The following COLEC12 variants were observed in gnomAD, a reference collection of about 807,000 sequenced individuals.
The protein encoded by COLEC12 is collectin subfamily member 12, also known as collectin-12.
Under a neutral mutation model 71.1 loss-of-function variants are expected in COLEC12, and 33 were observed. The ratio of observed to expected loss-of-function variants is 0.46; its 90% CI spans 0.35 to 0.62. The LOEUF (loss-of-function observed/expected upper bound fraction) is 0.62, where lower values mean the gene tolerates loss of function less well. COLEC12 is among the 20% of genes least tolerant of loss of function. COLEC12 has a pLI of 0.00. For synonymous variants in COLEC12, 350 were observed against 353.0 expected, an observed-to-expected ratio of 0.99 and a Z score of 0.10; for missense variants, 765 against 916.1, an observed-to-expected ratio of 0.84 and a Z score of 2.13.
intron 2 of COLEC12, among the ~76,000 whole-genome samples, chr18:402,551 G>C (rs960061375): frequency 2.6e-5 from 4 of 152,122 alleles, no homozygotes; most frequent in African/African-American, 7.2e-5. Flanking sequence ...CAGAGTGTGG[G>C]GAGGTGGGGA....
At chr18:407,713 C>T (rs1377000982) in intron 2 of COLEC12, among the ~76,000 whole-genome samples, 1 of 152,196 alleles carries the variant, frequency 6.6e-6, no homozygotes, top group East Asian at 1.9e-4. Context: ...AGACACACAA[C>T]AATGTGTGAC....
In COLEC12 at chr18:319,352, A is replaced by ATATATATATATGTATGTATGTATATATG. The variant is rs1913640154; in HGVS notation, c.*692_*693insCATATATACATACATACATATATATATA. 7.3e-6 allele frequency: 1 copy of ATATATATATATGTATGTATGTATATATG among 136,198 alleles called. No individual in the cohort carries two copies. Among genetic ancestry groups the ATATATATATATGTATGTATGTATATATG allele is most frequent in the Non-Finnish European group, 1.6e-5 (1 of 62,456 alleles). 8.4% of individuals were successfully genotyped at this position (136,198 alleles called of 1,614,324 possible). A position where few individuals can be genotyped will look rare whatever the true frequency, so the allele number is the denominator to read the frequency against. ...AAAAAAAAAAAAAAAATATATATATATATATATATATACACATGTATATTT... is the reference window on the plus strand; with the variant it reads ...AAAAAAAAAAAAAAAATATATATATATATATATATATGTATGTATGTATATATGTATATATATATACACATGTATATTT... On this transcript the variant is annotated 3_prime_UTR_variant, in exon 10 of 10. Transcript: ENST00000400256.
intron 2 of COLEC12, among the ~76,000 whole-genome samples, chr18:403,295 T>C (rs1405201119): frequency 6.6e-6 from 1 of 152,172 alleles, no homozygotes; most frequent in Non-Finnish European, 1.5e-5. Flanking sequence ...CCTTTTGTTG[T>C]CTTCAAAGTC....
chr18:321,203 C>A (rs1435934169), intron 9 of COLEC12, among the ~76,000 whole-genome samples: 1 of 152,076 alleles, frequency 6.6e-6, no homozygotes, highest in East Asian at 1.9e-4. Context: ...TACAGGCATG[C>A]GCCACCATGC....
At chr18:436,523 AAAGGG>A in intron 2 of COLEC12, among the ~76,000 whole-genome samples, 1 of 32,374 alleles carries the variant, frequency 3.1e-5, no homozygotes. Context: ...CTCAAAAAAA[AAAGGG>A]GGGGGGGGGG....
At chr18:448,196 C>A (rs1916690226) in intron 2 of COLEC12, among the ~76,000 whole-genome samples, 1 of 152,142 alleles carries the variant, frequency 6.6e-6, no homozygotes, top group South Asian at 2.1e-4. Context: ...TCTTTTTTAA[C>A]CACTTTGTCA....
intron 2 of COLEC12, among the ~76,000 whole-genome samples, chr18:410,672 G>A (rs568297375): frequency 8.6e-5 from 13 of 152,040 alleles, no homozygotes; most frequent in African/African-American, 3.1e-4. Flanking sequence ...TGATCTGCCC[G>A]CCTTGGCCTC....
chr18:335,178 AG>A lies in COLEC12; in HGVS notation c.1379del (p.Pro460LeufsTer186). 1 of 1,611,460 alleles carries A rather than the reference AG, an allele frequency of 6.2e-7. No individual in the cohort carries two copies. Among genetic ancestry groups the A allele is most frequent in the Non-Finnish European group, 8.5e-7 (1 of 1,179,086 alleles). ...PRGDRGSQGPPGPTGNKGQKG... is the reference protein window; with the variant it reads ...PRGDRGSQGPXGPTGNKGQKG... Reference sequence around the variant, plus strand: ...TCTGTCCCTTGTTGCCAGTTGGGCCAGGGGGTCCCTGGGATCCTCTGTCACC... The same window carrying A: ...TCTGTCCCTTGTTGCCAGTTGGGCCAGGGGTCCCTGGGATCCTCTGTCACC... On this transcript the variant is annotated frameshift_variant, in exon 6 of 10. Coordinates refer to ENST00000400256, the MANE Select transcript of COLEC12 (RefSeq NM_130386.3). LOFTEE classifies it high-confidence loss of function.
At chr18:404,019 T>A (rs559075624) in intron 2 of COLEC12, among the ~76,000 whole-genome samples, 12 of 152,288 alleles carry the variant, frequency 7.9e-5, no homozygotes, top group African/African-American at 2.9e-4. Context: ...TTCTTTAAGG[T>A]AAAATGAAGA....
intron 2 of COLEC12, among the ~76,000 whole-genome samples, chr18:365,056 T>C (rs1026874950): frequency 1.3e-5 from 2 of 152,076 alleles, no homozygotes; most frequent in Admixed American, 6.6e-5. Flanking sequence ...ACGGACCAGT[T>C]AGACATACCA....
intron 2 of COLEC12, among the ~76,000 whole-genome samples, chr18:384,434 T>C (rs887284655): frequency 1.3e-5 from 2 of 151,898 alleles, no homozygotes; most frequent in Non-Finnish European, 2.9e-5. Flanking sequence ...CTCAGGGAGG[T>C]GTGGTTGTTA....
At chr18:366,857 G>A (rs1056497766) in intron 2 of COLEC12, among the ~76,000 whole-genome samples, 1 of 152,200 alleles carries the variant, frequency 6.6e-6, no homozygotes, top group African/African-American at 2.4e-5. Context: ...CTGGGAGAGG[G>A]GCACAGCTCA....
chr18:322,156 A>G (rs1256731690), intron 8 of COLEC12, among the ~76,000 whole-genome samples: 1 of 149,190 alleles, frequency 6.7e-6, no homozygotes, highest in Non-Finnish European at 1.5e-5. Context: ...ATGAGTGTAT[A>G]TATGTGTGTG....
chr18:396,263 G>C (rs7241448), intron 2 of COLEC12, among the ~76,000 whole-genome samples: 13,100 of 152,236 alleles, frequency 0.086, 858 homozygotes, highest in African/African-American at 0.18. Context: ...AACAGCATTT[G>C]TGCAACAACT....
At chr18:478,604 C>T (rs886795050) in intron 2 of COLEC12, among the ~76,000 whole-genome samples, 1 of 152,168 alleles carries the variant, frequency 6.6e-6, no homozygotes, top group Non-Finnish European at 1.5e-5. Flanking sequence ...CAGAGCAAGA[C>T]TCTGTCTCAA....
chr18:386,062 C>T (rs989422506), intron 2 of COLEC12, among the ~76,000 whole-genome samples: 3 of 151,980 alleles, frequency 2.0e-5, no homozygotes, highest in African/African-American at 7.3e-5. Context: ...GATAAATCCA[C>T]TGTGGGAAAA....
At chr18:420,044 G>A (rs536495208) in intron 2 of COLEC12, among the ~76,000 whole-genome samples, 14 of 152,152 alleles carry the variant, frequency 9.2e-5, no homozygotes, top group South Asian at 4.2e-4. Context: ...GTGCCAGGCC[G>A]CCCCCAGCAA....
chr18:483,778 T>C (rs988324891), intron 1 of COLEC12, among the ~76,000 whole-genome samples: 1 of 152,216 alleles, frequency 6.6e-6, no homozygotes, highest in Non-Finnish European at 1.5e-5. Flanking sequence ...CTATTCTCCA[T>C]TTAAGAGAAA....
intron 2 of COLEC12, among the ~76,000 whole-genome samples, chr18:430,166 T>C (rs1427516522): frequency 1.3e-5 from 2 of 152,112 alleles, no homozygotes; most frequent in Non-Finnish European, 2.9e-5. Context: ...GGTGAAACCC[T>C]GTCCCTACTG....
Sources: allele counts gnomAD v4.1 joint callset (sites outside exome capture counted in the v4.1 genomes callset), GRCh38; gene constraint gnomAD v4.1.1; transcripts MANE v1.5; gene names NCBI Gene and HGNC (gene_info 2026-07-23, HGNC 2026-07-21).